Variants in KIF26B observed in about 807,000 individuals in gnomAD.
The protein encoded by KIF26B is kinesin family member 26B, also known as kinesin-like protein KIF26B.
A neutral mutation model predicts 151.2 loss-of-function variants in KIF26B; 63 were observed. That is an observed-to-expected ratio of 0.42 (90% CI 0.34 to 0.51). The LOEUF (loss-of-function observed/expected upper bound fraction) is 0.51. Ranked by LOEUF, KIF26B falls within the 20% of genes least tolerant of loss-of-function variation. The probability of loss-of-function intolerance (pLI) is 0.07; values close to 1 mark genes in which losing one functional copy is unlikely to be tolerated. For missense variants in KIF26B, 2,813 were observed against 2,913.6 expected (o/e 0.97, Z 0.79); for synonymous variants, 1,357 against 1,262.1 (o/e 1.08, Z -1.59).
rs1290814098 is a variant in KIF26B, at chr1:245,563,222, C to T, written c.1350+22272C>T. On this transcript the variant is annotated intron_variant, in intron 5 of 14. Coordinates refer to ENST00000407071, the MANE Select transcript of KIF26B (RefSeq NM_018012.4). The surrounding 1 kb of genome is among the most constrained non-coding windows in gnomAD (Gnocchi z 4.6). ...TCTTCCCAAAGACCCCCACTGAACC[C>T]ATCAGATGTAAAATCCCCCATTTTA... 6.6e-6 allele frequency among the ~76,000 whole-genome samples: 1 copy of T among 152,176 alleles called. No homozygotes were observed. Among genetic ancestry groups the T allele is most frequent in the Non-Finnish European group, 1.5e-5 (1 of 68,042 alleles).
chr1:245,289,103 G>A (rs1671212836), intron 2 of KIF26B, among the ~76,000 whole-genome samples: 1 of 152,212 alleles, frequency 6.6e-6, no homozygotes, highest in Non-Finnish European at 1.5e-5. Flanking sequence ...ATGACTAACA[G>A]TAGGTATCTC....
chr1:245,502,952 C>G (rs1278752195), intron 4 of KIF26B, among the ~76,000 whole-genome samples: 1 of 151,516 alleles, frequency 6.6e-6, no homozygotes, highest in East Asian at 1.9e-4. Context: ...ATCTCTGCCT[C>G]TCGGGTTCAA....
At chr1:245,456,958 T>C (rs939818919) in intron 4 of KIF26B, among the ~76,000 whole-genome samples, 4 of 152,234 alleles carry the variant, frequency 2.6e-5, no homozygotes, top group African/African-American at 9.6e-5. Context: ...CTTTGTCTCC[T>C]GGGTTCAAGC....
At chr1:245,678,639 G>A (rs1421138847) in intron 10 of KIF26B, among the ~76,000 whole-genome samples, 1 of 152,050 alleles carries the variant, frequency 6.6e-6, no homozygotes, top group Non-Finnish European at 1.5e-5. Flanking sequence ...CAAGGAGGGA[G>A]GATCACGAGG....
intron 2 of KIF26B, among the ~76,000 whole-genome samples, chr1:245,315,430 GAA>G (rs1193990466): frequency 1.3e-5 from 2 of 148,850 alleles, no homozygotes. Flanking sequence ...GTCTGTAAAA[GAA>G]AAAAAAAGGC....
intron 5 of KIF26B, among the ~76,000 whole-genome samples, chr1:245,556,958 C>A (rs1462293302): frequency 6.6e-6 from 1 of 152,260 alleles, no homozygotes; most frequent in Middle Eastern, 3.4e-3. Context: ...GGCCCATTCT[C>A]CAAAATTAAC....
intron 2 of KIF26B, among the ~76,000 whole-genome samples, chr1:245,348,866 G>A (rs1282353154): frequency 2.6e-5 from 4 of 152,116 alleles, no homozygotes; most frequent in Admixed American, 6.5e-5. Flanking sequence ...GCTTCCCCAC[G>A]ATGCCTGCTG....
chr1:245,633,302 TCC>T (rs2043801311), intron 9 of KIF26B, among the ~76,000 whole-genome samples: 1 of 151,330 alleles, frequency 6.6e-6, no homozygotes, highest in South Asian at 2.1e-4. Context: ...TTTAAATAAA[TCC>T]ATTCATCTTG....
Position 245,702,733 on chromosome 1 carries a change from G to C in KIF26B, c.*127G>C, listed in dbSNP as rs2044789276. ...AGGATGAAGGTTGGTGGCAAGTCTG[G>C]AGCGGGCGTTGAGCGGAAGGCGAGT... On this transcript the variant is annotated 3_prime_UTR_variant, in exon 15 of 15. Transcript: ENST00000407071. The surrounding 1 kb of genome is among the most constrained non-coding windows in gnomAD (Gnocchi z 4.1). 5.4e-6 allele frequency: 6 copies of C among 1,106,546 alleles called. No individual in the cohort carries two copies. In the Admixed American group the frequency reaches 1.4e-4, roughly 27 times the overall value. The allele number at this position is 1,106,546 out of a possible 1,614,324, so 68.5% of individuals were successfully genotyped here.
At chr1:245,383,637 T>A (rs1364074282) in intron 3 of KIF26B, among the ~76,000 whole-genome samples, 1 of 152,206 alleles carries the variant, frequency 6.6e-6, no homozygotes, top group Non-Finnish European at 1.5e-5. Context: ...TTCATCATAG[T>A]TTATGTAACT....
intron 10 of KIF26B, among the ~76,000 whole-genome samples, chr1:245,662,965 C>CT (rs58163033): frequency 0.026 from 3,878 of 146,478 alleles, 136 homozygotes; most frequent in African/African-American, 0.08. Flanking sequence ...TCACCTCTGT[C>CT]TTTTTTTTTT....
intron 4 of KIF26B, among the ~76,000 whole-genome samples, chr1:245,422,836 C>T (rs962222928): frequency 2.0e-5 from 3 of 152,054 alleles, no homozygotes; most frequent in Non-Finnish European, 2.9e-5. Flanking sequence ...TGGTGGCTCA[C>T]GCCTGTAATC....
chr1:245,475,496 A>T (rs1660015248), intron 4 of KIF26B, among the ~76,000 whole-genome samples: 1 of 151,942 alleles, frequency 6.6e-6, no homozygotes, highest in Non-Finnish European at 1.5e-5. Context: ...TTGCAAGGTT[A>T]TGATTGCACC....
intron 3 of KIF26B, among the ~76,000 whole-genome samples, chr1:245,412,034 T>C (rs1465860771): frequency 1.3e-5 from 2 of 152,204 alleles, no homozygotes; most frequent in East Asian, 1.9e-4. Context: ...TTATATTTTA[T>C]AGAATACACA....
At chr1:245,202,935 C>T (rs1306518708) in intron 2 of KIF26B, among the ~76,000 whole-genome samples, 1 of 76,060 alleles carries the variant, frequency 1.3e-5, no homozygotes, top group Non-Finnish European at 3.5e-5. Context: ...GAGCAAGACT[C>T]TGTCTCAAAA....
intron 3 of KIF26B, among the ~76,000 whole-genome samples, chr1:245,408,363 T>A: frequency 6.8e-6 from 1 of 147,726 alleles, no homozygotes. Flanking sequence ...TTTTTTTTTT[T>A]TTTTTTTTTG....
chr1:245,623,476 G>A (rs758195383), intron 9 of KIF26B, among the ~76,000 whole-genome samples: 8 of 152,202 alleles, frequency 5.3e-5, no homozygotes, highest in African/African-American at 9.6e-5. Context: ...ACAGTTGGCC[G>A]ATCCATTCAT....
At chr1:245,179,389 T>C (rs1307708850) in intron 2 of KIF26B, among the ~76,000 whole-genome samples, 1 of 152,170 alleles carries the variant, frequency 6.6e-6, no homozygotes, top group Non-Finnish European at 1.5e-5. Flanking sequence ...TTTGGGAGGC[T>C]GAGGCGCGTG....
intron 2 of KIF26B, among the ~76,000 whole-genome samples, chr1:245,202,015 G>A (rs1042876550): frequency 6.6e-5 from 10 of 152,178 alleles, no homozygotes; most frequent in Non-Finnish European, 1.3e-4. Context: ...TCTATGTTAT[G>A]TTGGCCTTGG....
Sources: allele counts gnomAD v4.1 joint callset (sites outside exome capture counted in the v4.1 genomes callset), GRCh38; gene constraint gnomAD v4.1.1; non-coding constraint Gnocchi (gnomAD v3.1); transcripts MANE v1.5; gene names NCBI Gene and HGNC (gene_info 2026-07-23, HGNC 2026-07-21).